ZC3H7B: variants seen among roughly 807,000 people sequenced by gnomAD.
The protein encoded by ZC3H7B is zinc finger CCCH domain-containing protein 7B.
In ZC3H7B, 35 loss-of-function variants were observed where a neutral mutation model predicts 116.0. The observed-to-expected ratio is 0.30, with a 90% CI of 0.23 to 0.40. ZC3H7B has a LOEUF of 0.40. Among genes scored for constraint, ZC3H7B ranks in the 10% least tolerant of loss-of-function variants. The pLI, the probability that ZC3H7B is intolerant of heterozygous loss-of-function variation, is 1.00. For synonymous variants in ZC3H7B, 502 were observed against 545.6 expected, an observed-to-expected ratio of 0.92 and a Z score of 1.11; for missense variants, 1,011 against 1,321.5, an observed-to-expected ratio of 0.77 and a Z score of 3.64.
At chr22:41,312,903 A>G (rs973714674) in intron 1 of ZC3H7B, among the ~76,000 whole-genome samples, 2 of 152,204 alleles carry the variant, frequency 1.3e-5, no homozygotes, top group South Asian at 4.1e-4. Flanking sequence ...CAAAACAATT[A>G]TAATACATCC....
rs149790062 is a variant in ZC3H7B at position 41,327,274 on chromosome 22, G to A, written c.354G>A (p.Ala118=). 73 of 1,613,906 alleles carry A rather than the reference G, an allele frequency of 4.5e-5. No individual in the cohort carries two copies. Among genetic ancestry groups the A allele is most frequent in the South Asian group, 8.8e-5 (8 of 91,096 alleles). ...ALGLDSESIR[A]LFRKARALNE... ...GCCTGGACAGTGAGAGTATCCGGGC[G>A]TTGTTCCGCAAGGCACGCGCTCTCA... Residue 118 remains alanine (A), a synonymous_variant, in exon 5 of 23, where the codon GCG becomes GCA. Coordinates refer to ENST00000352645, the MANE Select transcript of ZC3H7B (RefSeq NM_017590.6). The surrounding 1 kb of genome is among the most constrained non-coding windows in gnomAD (Gnocchi z 4.5).
At chr22:41,323,683 T>A (rs1252571515) in intron 2 of ZC3H7B, among the ~76,000 whole-genome samples, 3 of 152,208 alleles carry the variant, frequency 2.0e-5, no homozygotes, top group Non-Finnish European at 2.9e-5. Context: ...CCTCCTACGC[T>A]GTGTTGGTGC....
chr22:41,335,308 G>A (rs554879880), intron 7 of ZC3H7B: 1 of 152,380 alleles, frequency 6.6e-6, no homozygotes, highest in African/African-American at 2.4e-5. Context: ...GGGGGTTATA[G>A]AATTACAATG....
At chr22:41,322,486 C>T (rs7284851) in intron 2 of ZC3H7B, among the ~76,000 whole-genome samples, 5,777 of 152,132 alleles carry the variant, frequency 0.038, 349 homozygotes, top group African/African-American at 0.13. Context: ...GCATCCAGCC[C>T]GACATTTGTT....
intron 1 of ZC3H7B, among the ~76,000 whole-genome samples, chr22:41,310,032 C>T (rs1035314596): frequency 4.6e-5 from 7 of 151,770 alleles, no homozygotes; most frequent in African/African-American, 1.2e-4. Context: ...AGTGAAACCC[C>T]GTCTCTACTA....
intron 1 of ZC3H7B, among the ~76,000 whole-genome samples, chr22:41,307,016 C>G (rs2036052093): frequency 6.6e-6 from 1 of 151,054 alleles, no homozygotes; most frequent in African/African-American, 2.4e-5. Flanking sequence ...TTCTGTCACC[C>G]AGGCTGGAGT....
rs1184703008 is a variant in ZC3H7B, at chr22:41,351,727, A to C, written c.2034+81A>C. The C allele has an allele frequency of 7.1e-6, 10 of 1,403,058 alleles. No homozygotes were observed. The highest frequency in any genetic ancestry group is 9.8e-6 in the Non-Finnish European group (10 of 1,018,942). The allele number at this position is 1,403,058 out of a possible 1,614,324, so 86.9% of individuals were successfully genotyped here. On this transcript the variant is annotated intron_variant, in intron 17 of 22. Transcript: ENST00000352645. This position sits in a 1 kb window ranked among gnomAD's most constrained non-coding sequence, Gnocchi z 5.1. The stretch of plus-strand genomic sequence containing the variant: ...ACAAACAGGAAGGCTCTAATTTTAC[A>C]ATAGAGAAATGTTTACAATGGAGGC...
rs990907725 is a variant in ZC3H7B at position 41,327,131 on chromosome 22, C to T, written c.286-75C>T. ...CAGGAAGGGAAGCTGGTGTTCCTTC[C>T]TAGGCAGGGGCAGGAGGCCTGGGGG... On this transcript the variant is annotated intron_variant, in intron 4 of 22. Coordinates refer to ENST00000352645, the MANE Select transcript of ZC3H7B (RefSeq NM_017590.6). The surrounding 1 kb of genome is among the most constrained non-coding windows in gnomAD (Gnocchi z 4.5). The T allele has an allele frequency of 2.4e-4, 374 of 1,574,992 alleles. No individual in the cohort carries two copies. Among genetic ancestry groups the T allele is most frequent in the Non-Finnish European group, 3.1e-4 (362 of 1,159,884 alleles).
chr22:41,323,696 G>A (rs73414881), intron 2 of ZC3H7B, among the ~76,000 whole-genome samples: 2,975 of 152,292 alleles, frequency 0.02, 87 homozygotes, highest in African/African-American at 0.063. Flanking sequence ...GTTGGTGCAC[G>A]TGTGCTTCAT....
chr22:41,332,416 T>G, intron 7 of ZC3H7B, 189 bp downstream of exon 7: 2 of 684,864 alleles, frequency 2.9e-6, no homozygotes, highest in Non-Finnish European at 2.5e-6. Flanking sequence ...GAGTGGTCAT[T>G]GCCGGGGAGC....
intron 1 of ZC3H7B, among the ~76,000 whole-genome samples, chr22:41,304,866 G>A (rs1479515374): frequency 6.6e-5 from 10 of 152,216 alleles, no homozygotes; most frequent in Admixed American, 6.5e-4. Context: ...TGCAGGATTT[G>A]AATCCAGGCC....
chr22:41,349,386 G>GA lies in ZC3H7B; in HGVS notation c.1948+85_1948+86insA. On this transcript the variant is annotated intron_variant, in intron 16 of 22. Coordinates refer to ENST00000352645, the MANE Select transcript of ZC3H7B (RefSeq NM_017590.6). This position sits in a 1 kb window ranked among gnomAD's most constrained non-coding sequence, Gnocchi z 4.9. ...GGTGAAGGGAGCGCAGGACTGACTG[G>GA]GGTGACAGGCCAGGGCCCCATGGTC... 1.3e-6 allele frequency: 2 copies of GA among 1,544,012 alleles called. No homozygotes were observed. Among genetic ancestry groups the GA allele is most frequent in the South Asian group, 1.2e-5 (1 of 83,072 alleles).
intron 7 of ZC3H7B, chr22:41,336,371 A>T (rs1010037132): frequency 1.3e-5 from 2 of 151,826 alleles, no homozygotes; most frequent in African/African-American, 4.8e-5. Context: ...CTACTAAAAA[A>T]TTCAAAAATT....
chr22:41,320,756 G>A (rs1435587334), intron 2 of ZC3H7B, 43 bp downstream of exon 2: 2 of 1,602,652 alleles, frequency 1.2e-6, no homozygotes, highest in East Asian at 2.2e-5. Flanking sequence ...GGGTGGGCAA[G>A]GGTGGGTTCT....
rs2035973953 is a variant in ZC3H7B at position 41,302,093 on chromosome 22, T to G, written c.-7+321T>G. On this transcript the variant is annotated intron_variant, in intron 1 of 22. Coordinates refer to ENST00000352645, the MANE Select transcript of ZC3H7B (RefSeq NM_017590.6). This position sits in a 1 kb window ranked among gnomAD's most constrained non-coding sequence, Gnocchi z 5.7. ...GGCCGCCCCTGCAGCCCCCAGGAGG[T>G]GTCTTGAAATTTTCGTGGGGCCTCT... is the stretch of plus-strand genomic sequence containing the variant. Among the ~76,000 whole-genome samples, 1 of 151,278 alleles carries G rather than the reference T, an allele frequency of 6.6e-6. No homozygotes were observed. Among genetic ancestry groups the G allele is most frequent in the Non-Finnish European group, 1.5e-5 (1 of 67,800 alleles).
intron 12 of ZC3H7B, 48 bp from the exon 13 acceptor site, chr22:41,343,367 C>T (rs764797917): frequency 7.0e-6 from 11 of 1,577,812 alleles, no homozygotes; most frequent in African/African-American, 1.3e-5. Flanking sequence ...AGCCATCACT[C>T]TTCAATTCTG....
chr22:41,350,854 T>G (rs1387948000), intron 16 of ZC3H7B, among the ~76,000 whole-genome samples: 1 of 152,142 alleles, frequency 6.6e-6, no homozygotes, highest in Non-Finnish European at 1.5e-5. Context: ...TTGCCCCAAG[T>G]AAGCACCGAT....
chr22:41,326,927 G>A (rs900561841), intron 4 of ZC3H7B, among the ~76,000 whole-genome samples: 2 of 152,206 alleles, frequency 1.3e-5, no homozygotes, highest in Non-Finnish European at 2.9e-5. Flanking sequence ...TTGAGTGGCC[G>A]GGCTCATGGT....
chr22:41,315,088 T>C (rs1405185869), intron 1 of ZC3H7B, among the ~76,000 whole-genome samples: 1 of 151,778 alleles, frequency 6.6e-6, no homozygotes, highest in Non-Finnish European at 1.5e-5. Flanking sequence ...CACCTCCCTC[T>C]CTTTTTGTTC....
Sources: allele counts gnomAD v4.1 joint callset (sites outside exome capture counted in the v4.1 genomes callset), GRCh38; gene constraint gnomAD v4.1.1; non-coding constraint Gnocchi (gnomAD v3.1); transcripts MANE v1.5; gene names NCBI Gene and HGNC (gene_info 2026-07-23, HGNC 2026-07-21).